The following LRMDA variants were observed in gnomAD, a reference collection of about 807,000 sequenced individuals.
LRMDA encodes the protein leucine rich melanocyte differentiation associated, also known as leucine-rich melanocyte differentiation-associated protein.
A neutral mutation model predicts 29.8 loss-of-function variants in LRMDA; 18 were observed. That is an observed-to-expected ratio of 0.60 (90% CI 0.42 to 0.90). LRMDA has a LOEUF of 0.90. LRMDA is among the 40% of genes least tolerant of loss of function. LRMDA has a pLI of 0.00. For synonymous variants in LRMDA, 125 were observed against 109.4 expected, an observed-to-expected ratio of 1.14 and a Z score of -0.89; for missense variants, 273 against 273.9, an observed-to-expected ratio of 1.00 and a Z score of 0.02.
chr10:75,495,057 C>T (rs1188884568), intron 2 of LRMDA, among the ~76,000 whole-genome samples: 1 of 152,160 alleles, frequency 6.6e-6, no homozygotes, highest in Non-Finnish European at 1.5e-5. Flanking sequence ...GATGTAAGGC[C>T]ACACCTAGCT....
intron 6 of LRMDA, among the ~76,000 whole-genome samples, chr10:76,350,153 A>G (rs1841157201): frequency 6.7e-6 from 1 of 148,746 alleles, no homozygotes; most frequent in Admixed American, 6.7e-5. Context: ...AAATGCAGGT[A>G]GGTGGAGGCA....
chr10:76,136,669 T>C (rs983771503), intron 5 of LRMDA, among the ~76,000 whole-genome samples: 21 of 152,166 alleles, frequency 1.4e-4, no homozygotes, highest in Non-Finnish European at 1.0e-4. Flanking sequence ...AAAATGTAGA[T>C]ATAGCAAGTT....
At chr10:75,899,454 A>G (rs545361798) in intron 2 of LRMDA, among the ~76,000 whole-genome samples, 1 of 152,192 alleles carries the variant, frequency 6.6e-6, no homozygotes, top group African/African-American at 2.4e-5. Context: ...CTAGCATAGG[A>G]AAGTTTTCCT....
intron 6 of LRMDA, among the ~76,000 whole-genome samples, chr10:76,513,451 A>G (rs1325225510): frequency 6.6e-6 from 1 of 152,284 alleles, no homozygotes; most frequent in East Asian, 1.9e-4. Flanking sequence ...TACACTTTAA[A>G]GGGGTTGTGT....
intron 2 of LRMDA, among the ~76,000 whole-genome samples, chr10:75,829,751 T>A (rs562394267): frequency 6.6e-6 from 1 of 152,144 alleles, no homozygotes; most frequent in Non-Finnish European, 1.5e-5. Flanking sequence ...TTATGGCAAA[T>A]TTTGACTGGT....
intron 2 of LRMDA, among the ~76,000 whole-genome samples, chr10:75,535,885 G>A (rs1428495715): frequency 6.6e-6 from 1 of 152,162 alleles, no homozygotes; most frequent in East Asian, 1.9e-4. Context: ...AGGCCAGGAG[G>A]CAGTGATTAG....
intron 6 of LRMDA, among the ~76,000 whole-genome samples, chr10:76,523,396 C>T (rs1453080867): frequency 6.6e-6 from 1 of 152,108 alleles, no homozygotes; most frequent in African/African-American, 2.4e-5. Context: ...AGATGGCTTA[C>T]CTCTTCCCTC....
At chr10:76,387,972 C>A (rs984234918) in intron 6 of LRMDA, among the ~76,000 whole-genome samples, 7 of 152,070 alleles carry the variant, frequency 4.6e-5, no homozygotes, top group African/African-American at 1.7e-4. Flanking sequence ...CTTTGTGTGA[C>A]TGAGAGGCTA....
intron 5 of LRMDA, among the ~76,000 whole-genome samples, chr10:76,134,913 A>G (rs1850065490): frequency 6.6e-6 from 1 of 152,218 alleles, no homozygotes; most frequent in African/African-American, 2.4e-5. Context: ...CAGAAAAGAA[A>G]TAGCTCCACA....
intron 2 of LRMDA, among the ~76,000 whole-genome samples, chr10:75,793,358 GAGGGGAGCCGA>G: frequency 6.6e-6 from 1 of 152,290 alleles, no homozygotes; most frequent in East Asian, 1.9e-4. Flanking sequence ...TAACAAGTGA[GAGGGGAGCCGA>G]AGGGAAGGGT....
intron 5 of LRMDA, among the ~76,000 whole-genome samples, chr10:76,279,214 G>A (rs1397583185): frequency 6.6e-6 from 1 of 152,174 alleles, no homozygotes. Context: ...ACCAATTATA[G>A]CTGTATGACC....
intron 2 of LRMDA, among the ~76,000 whole-genome samples, chr10:75,464,759 CA>C (rs1844629399): frequency 6.6e-6 from 1 of 152,122 alleles, no homozygotes; most frequent in African/African-American, 2.4e-5. Flanking sequence ...CTACTGGGAT[CA>C]GGGGAAGTCC....
chr10:76,221,559 A>G (rs1459878502), intron 5 of LRMDA, among the ~76,000 whole-genome samples: 2 of 152,238 alleles, frequency 1.3e-5, no homozygotes, highest in Non-Finnish European at 2.9e-5. Flanking sequence ...TCCAGCTTAC[A>G]AGGGATGTGA....
chr10:75,945,508 A>G (rs1027934433), intron 2 of LRMDA, among the ~76,000 whole-genome samples: 4 of 152,104 alleles, frequency 2.6e-5, no homozygotes, highest in African/African-American at 9.7e-5. Context: ...CATCTTGCAG[A>G]CTTCTGTTAA....
intron 2 of LRMDA, among the ~76,000 whole-genome samples, chr10:75,751,815 G>GGT (rs557496572): frequency 3.9e-4 from 59 of 152,314 alleles, no homozygotes; most frequent in Middle Eastern, 6.8e-3. Context: ...CTCACAGAGA[G>GGT]GTAGTACCTT....
intron 2 of LRMDA, among the ~76,000 whole-genome samples, chr10:75,618,380 CTCTATA>C (rs1285469553): frequency 0.047 from 2,583 of 55,152 alleles, 29 homozygotes; most frequent in East Asian, 0.28. Flanking sequence ...CTCTCTCTCT[CTCTATA>C]TATATATATA....
Position 76,467,805 on chromosome 10 carries a change from A to G in LRMDA, c.602-89404A>G, listed in dbSNP as rs139250695. On this transcript the variant is annotated intron_variant, in intron 6 of 6. Transcript: ENST00000611255. Reference sequence around the variant, plus strand: ...CCCATCCTCATGACAGATATTTGGCATGCCAGCTTGGGTGCTACCCTTGGA... The same window carrying G: ...CCCATCCTCATGACAGATATTTGGCGTGCCAGCTTGGGTGCTACCCTTGGA... 4.5e-4 allele frequency among the ~76,000 whole-genome samples: 69 copies of G among 152,296 alleles called. 1 individual carries two copies. The highest frequency in any genetic ancestry group is 1.7e-3 in the South Asian group (8 of 4,832).
intron 2 of LRMDA, among the ~76,000 whole-genome samples, chr10:75,731,616 C>T (rs1842698025): frequency 2.0e-5 from 3 of 152,202 alleles, no homozygotes; most frequent in Admixed American, 2.0e-4. Context: ...AAGTCATTCC[C>T]ATCTCTGGAC....
intron 5 of LRMDA, among the ~76,000 whole-genome samples, chr10:76,126,763 G>T (rs1177782074): frequency 1.3e-5 from 2 of 152,158 alleles, no homozygotes; most frequent in African/African-American, 4.8e-5. Flanking sequence ...ATTTAGCTGT[G>T]GGCAGAATTG....
Sources: gnomAD v4.1 joint callset for allele counts (sites outside exome capture counted in the v4.1 genomes callset) on GRCh38, gnomAD v4.1.1 for gene constraint, MANE v1.5 for transcripts, NCBI Gene and HGNC (gene_info 2026-07-23, HGNC 2026-07-21) for gene names.